IL1RAPL2: variants seen among roughly 807,000 people sequenced by gnomAD.
The protein encoded by IL1RAPL2 is X-linked interleukin-1 receptor accessory protein-like 2.
IL1RAPL2 carries 3 observed loss-of-function variants against 44.1 expected under a neutral mutation model. The ratio of observed to expected loss-of-function variants is 0.07; its 90% CI spans 0.03 to 0.18. The LOEUF (loss-of-function observed/expected upper bound fraction) is 0.18, where lower values mean the gene tolerates loss of function less well. IL1RAPL2 is among the 10% of genes least tolerant of loss of function. The pLI is 1.00. For synonymous variants in IL1RAPL2, 181 were observed against 178.8 expected (o/e 1.01, Z -0.10); for missense variants, 391 against 496.4 (o/e 0.79, Z 2.02).
Position 104,915,532 on chromosome X carries a change from G to A in IL1RAPL2, c.82+256537G>A, listed in dbSNP as rs759715190. On this transcript the variant is annotated intron_variant, in intron 2 of 10. Coordinates refer to ENST00000372582, the MANE Select transcript of IL1RAPL2 (RefSeq NM_017416.2). Reference sequence around the variant, plus strand: ...ATTCTGTAGGTTGCCTGTTCACTCTGATGGTAGTTTCTTTTGCTGTGCAGA... The same window carrying A: ...ATTCTGTAGGTTGCCTGTTCACTCTAATGGTAGTTTCTTTTGCTGTGCAGA... Among the ~76,000 whole-genome samples the A allele has an allele frequency of 2.9e-3, 326 of 110,971 alleles. 2 individuals are homozygous for A. Among genetic ancestry groups the A allele is most frequent in the African/African-American group, 9.6e-3 (292 of 30,503 alleles).
Position 104,926,582 on chromosome X carries a change from TAAG to T in IL1RAPL2, c.82+267591_82+267593del, listed in dbSNP as rs200860369. On this transcript the variant is annotated intron_variant, in intron 2 of 10. Transcript: ENST00000372582. ...GCATTATAATTTGATTCTGTTCACTTAAGAAGTATATCTTTTAAAATCATTTGA... is the reference window on the plus strand; with the variant it reads ...GCATTATAATTTGATTCTGTTCACTTAAGTATATCTTTTAAAATCATTTGA... Among the ~76,000 whole-genome samples, 708 of 112,034 alleles carry T rather than the reference TAAG, an allele frequency of 6.3e-3. 3 individuals carry two copies. Among genetic ancestry groups the T allele is most frequent in the African/African-American group, 0.022 (672 of 30,933 alleles).
In IL1RAPL2 at chrX:105,278,726, G is replaced by A. The variant is rs746269869; in HGVS notation, c.697+11185G>A. ...AGGGAAGAAATGAACAGTCAGAGAA[G>A]CTAAGTTACTTGTTATGATCACACA... On this transcript the variant is annotated intron_variant, in intron 5 of 10. Transcript: ENST00000372582. 7.1e-5 allele frequency among the ~76,000 whole-genome samples: 8 copies of A among 112,160 alleles called. No homozygotes were observed. In the East Asian group the frequency reaches 1.4e-3, roughly 20 times the overall value.
At chrX:105,015,207 A>G (rs1018485248) in intron 2 of IL1RAPL2, among the ~76,000 whole-genome samples, 2 of 110,020 alleles carry the variant, frequency 1.8e-5, no homozygotes, top group African/African-American at 6.6e-5. Context: ...GGTTCTAGAT[A>G]TTAGCCCTTT....
chrX:104,909,298 C>T (rs1485794460), intron 2 of IL1RAPL2, among the ~76,000 whole-genome samples: 36 of 106,884 alleles, frequency 3.4e-4, no homozygotes, highest in South Asian at 8.2e-4. Flanking sequence ...AATGTCCTCC[C>T]GTAGCTCAGA....
intron 6 of IL1RAPL2, among the ~76,000 whole-genome samples, chrX:105,686,244 A>C (rs2037972799): frequency 9.1e-6 from 1 of 110,131 alleles, no homozygotes; most frequent in East Asian, 2.9e-4. Flanking sequence ...CCCCAATTAA[A>C]AGACACCAAC....
At chrX:105,218,898 C>T (rs1454847137) in intron 3 of IL1RAPL2, 1 of 1,070,965 alleles carries the variant, frequency 9.3e-7, no homozygotes, top group Non-Finnish European at 1.3e-6. Context: ...CACCACAAGC[C>T]TGCCCTCTGA....
At chrX:104,644,585 A>C (rs924988486) in intron 1 of IL1RAPL2, among the ~76,000 whole-genome samples, 1 of 110,702 alleles carries the variant, frequency 9.0e-6, no homozygotes, top group African/African-American at 3.3e-5. Flanking sequence ...TACTCCATAC[A>C]ATAACCTTGT....
intron 5 of IL1RAPL2, among the ~76,000 whole-genome samples, chrX:105,421,684 A>G (rs984183740): frequency 3.6e-5 from 4 of 111,425 alleles, no homozygotes; most frequent in African/African-American, 6.5e-5. Context: ...TGGAAAATCA[A>G]TATAAGGCAC....
At chrX:104,820,092 T>C (rs1379017811) in intron 2 of IL1RAPL2, among the ~76,000 whole-genome samples, 1 of 111,843 alleles carries the variant, frequency 8.9e-6, no homozygotes, top group Non-Finnish European at 1.9e-5. Flanking sequence ...GTATTAGATA[T>C]GAAAAATGGA....
chrX:105,073,751 A>G (rs370796937), intron 2 of IL1RAPL2, among the ~76,000 whole-genome samples: 2 of 111,681 alleles, frequency 1.8e-5, no homozygotes, highest in South Asian at 3.7e-4. Context: ...CTGGTGTGAG[A>G]TGGTATCTCA....
intron 2 of IL1RAPL2, among the ~76,000 whole-genome samples, chrX:105,074,360 G>A (rs886883273): frequency 1.4e-4 from 15 of 110,859 alleles, no homozygotes; most frequent in Admixed American, 6.7e-4. Flanking sequence ...GTAGATATGC[G>A]GCATTATTTC....
chrX:105,417,416 C>T (rs1211723873), intron 5 of IL1RAPL2, among the ~76,000 whole-genome samples: 1 of 112,456 alleles, frequency 8.9e-6, no homozygotes, highest in Non-Finnish European at 1.9e-5. Flanking sequence ...GAGGTTGCAG[C>T]GAGCCAAGAT....
intron 4 of IL1RAPL2, among the ~76,000 whole-genome samples, chrX:105,235,747 T>C (rs1268482017): frequency 8.9e-6 from 1 of 112,556 alleles, no homozygotes; most frequent in Non-Finnish European, 1.9e-5. Context: ...TAAGCACTTA[T>C]TGTGTGCCAT....
chrX:104,924,148 C>T (rs1657674252), intron 2 of IL1RAPL2, among the ~76,000 whole-genome samples: 1 of 110,287 alleles, frequency 9.1e-6, no homozygotes, highest in South Asian at 3.9e-4. Flanking sequence ...ACTAGAGTAT[C>T]GAGACTCACA....
At chrX:105,211,176 G>T (rs782254530) in intron 3 of IL1RAPL2, among the ~76,000 whole-genome samples, 80 of 111,809 alleles carry the variant, frequency 7.2e-4, no homozygotes, top group African/African-American at 2.6e-3. Context: ...CAGGATGATG[G>T]CATCGTGCTT....
chrX:105,718,637 A>G (rs1410101821), intron 7 of IL1RAPL2, among the ~76,000 whole-genome samples: 2 of 111,766 alleles, frequency 1.8e-5, no homozygotes, highest in Non-Finnish European at 3.8e-5. Flanking sequence ...GTCAGATTAT[A>G]GGCTGAGCAC....
At chrX:104,734,168 G>GA (rs1931972334) in intron 2 of IL1RAPL2, among the ~76,000 whole-genome samples, 1 of 112,355 alleles carries the variant, frequency 8.9e-6, no homozygotes, top group South Asian at 3.7e-4. Context: ...GCAGAATGCA[G>GA]AGTAGCTGAA....
chrX:104,906,540 C>T (rs1282047752), intron 2 of IL1RAPL2, among the ~76,000 whole-genome samples: 2 of 111,463 alleles, frequency 1.8e-5, no homozygotes, highest in Non-Finnish European at 3.8e-5. Flanking sequence ...TGTCAAAGGC[C>T]TTTTCTGCAT....
At chrX:105,602,481 G>A (rs2037260514) in intron 6 of IL1RAPL2, among the ~76,000 whole-genome samples, 1 of 110,893 alleles carries the variant, frequency 9.0e-6, no homozygotes, top group Non-Finnish European at 1.9e-5. Context: ...GAAAAGTCCA[G>A]AAGATGAAGA....
Sources: allele counts gnomAD v4.1 joint callset (sites outside exome capture counted in the v4.1 genomes callset), GRCh38; gene constraint gnomAD v4.1.1; transcripts MANE v1.5; gene names NCBI Gene and HGNC (gene_info 2026-07-23, HGNC 2026-07-21).